TOX: variants seen among roughly 807,000 people sequenced by gnomAD.
The protein encoded by TOX is thymocyte selection associated high mobility group box.
Under a neutral mutation model 53.7 loss-of-function variants are expected in TOX, and 11 were observed. The ratio of observed to expected loss-of-function variants is 0.20; its 90% confidence interval spans 0.13 to 0.34. TOX has a LOEUF of 0.34. Among genes scored for constraint, TOX ranks in the 10% least tolerant of loss-of-function variants. TOX has a pLI of 1.00. For missense variants in TOX, 570 were observed against 664.6 expected (o/e 0.86, Z 1.56); for synonymous variants, 225 against 245.3 (o/e 0.92, Z 0.77).
intron 3 of TOX, among the ~76,000 whole-genome samples, chr8:58,853,500 T>A (rs1188444099): frequency 1.3e-5 from 2 of 152,120 alleles, no homozygotes; most frequent in Admixed American, 6.6e-5. Flanking sequence ...TATAAATAAT[T>A]ATAAATGAAT....
chr8:58,963,335 A>ATAGATAGG (rs927233865), intron 1 of TOX, among the ~76,000 whole-genome samples: 5 of 152,062 alleles, frequency 3.3e-5, no homozygotes, highest in African/African-American at 1.2e-4. Context: ...AGATAGATAG[A>ATAGATAGG]TAGATAGGTA....
chr8:59,029,521 C>T (rs1197004913), intron 1 of TOX, among the ~76,000 whole-genome samples: 1 of 152,136 alleles, frequency 6.6e-6, no homozygotes, highest in African/African-American at 2.4e-5. Context: ...CATTTTATGA[C>T]ATCAATCCTC....
At chr8:59,068,379 G>A (rs1804133622) in intron 1 of TOX, among the ~76,000 whole-genome samples, 1 of 150,864 alleles carries the variant, frequency 6.6e-6, no homozygotes, top group African/African-American at 2.4e-5. Flanking sequence ...TAAAGGAGAC[G>A]GGGGATAAAG....
At position 58,808,113 on chromosome 8, in the gene TOX, C is replaced by G; in HGVS notation, c.1544+5G>C. On this transcript the variant is annotated splice_donor_5th_base_variant and intron_variant, in intron 8 of 8. Coordinates refer to ENST00000361421, the MANE Select transcript of TOX (RefSeq NM_014729.3). ...ACCACCAGGTGGCGATGACCGGCCG[C>G]TTACCCACTACTGCAGTAGTCGTTA... is the stretch of plus-strand genomic sequence containing the variant. The G allele has an allele frequency of 6.2e-7, 1 of 1,607,866 alleles. No individual in the cohort carries two copies.
intron 1 of TOX, among the ~76,000 whole-genome samples, chr8:59,103,611 C>A (rs1388083949): frequency 2.0e-5 from 3 of 152,134 alleles, no homozygotes; most frequent in Non-Finnish European, 4.4e-5. Context: ...CTTCGTCTAG[C>A]CCCCTGAGAT....
At chr8:59,045,710 T>G (rs1803669746) in intron 1 of TOX, among the ~76,000 whole-genome samples, 1 of 152,184 alleles carries the variant, frequency 6.6e-6, no homozygotes, top group South Asian at 2.1e-4. Flanking sequence ...GGTCCTGTGC[T>G]TCATTCTACT....
intron 1 of TOX, among the ~76,000 whole-genome samples, chr8:58,979,995 T>C (rs1813171880): frequency 6.6e-6 from 1 of 152,208 alleles, no homozygotes; most frequent in African/African-American, 2.4e-5. Context: ...AAGGACCTTT[T>C]GGGGATGATG....
At chr8:58,874,267 G>C (rs1010065068) in intron 3 of TOX, among the ~76,000 whole-genome samples, 3 of 151,992 alleles carry the variant, frequency 2.0e-5, no homozygotes, top group Non-Finnish European at 4.4e-5. Context: ...TTTCAGGAGG[G>C]AAAGTTTTTT....
chr8:59,019,821 G>A (rs538664377), intron 1 of TOX, among the ~76,000 whole-genome samples: 16 of 152,282 alleles, frequency 1.1e-4, no homozygotes, highest in African/African-American at 3.4e-4. Flanking sequence ...TTCACTCGGT[G>A]AGCAGTGTAT....
At chr8:58,853,055 C>T (rs570621614) in intron 3 of TOX, among the ~76,000 whole-genome samples, 3 of 152,176 alleles carry the variant, frequency 2.0e-5, no homozygotes, top group East Asian at 1.9e-4. Flanking sequence ...GTTAGATTCA[C>T]CTAAAGCTAA....
chr8:59,073,567 T>G (rs1804240510), intron 1 of TOX, among the ~76,000 whole-genome samples: 1 of 152,100 alleles, frequency 6.6e-6, no homozygotes, highest in Non-Finnish European at 1.5e-5. Context: ...TTTAATCTTG[T>G]TTTTTTGTTT....
chr8:58,928,253 A>G (rs995440592), intron 3 of TOX, among the ~76,000 whole-genome samples: 9 of 152,244 alleles, frequency 5.9e-5, no homozygotes, highest in Non-Finnish European at 1.0e-4. Context: ...TTAGCTGGGA[A>G]ATACAGGCCA....
rs58286328 is a variant in TOX, at chr8:59,105,451, C to T, written c.102+13435G>A. ...CCATAACATTAGAAAAATGTCACCC[C>T]GCACATAGAGCTGAATTTTTAAAAT... On this transcript the variant is annotated intron_variant, in intron 1 of 8. Transcript: ENST00000361421. 1.6e-3 allele frequency among the ~76,000 whole-genome samples: 244 copies of T among 152,028 alleles called. 1 individual carries two copies. Among genetic ancestry groups the T allele is most frequent in the African/African-American group, 5.5e-3 (228 of 41,490 alleles).
intron 3 of TOX, among the ~76,000 whole-genome samples, chr8:58,927,525 G>A (rs1422745086): frequency 5.3e-5 from 8 of 152,230 alleles, no homozygotes; most frequent in Non-Finnish European, 1.2e-4. Context: ...GATGAGAATC[G>A]CACCTCCCAC....
At chr8:58,846,000 C>T (rs879313101) in intron 4 of TOX, among the ~76,000 whole-genome samples, 4 of 151,958 alleles carry the variant, frequency 2.6e-5, no homozygotes, top group East Asian at 3.9e-4. Flanking sequence ...GGTGGGGACC[C>T]GCTGAATAAA....
intron 1 of TOX, among the ~76,000 whole-genome samples, chr8:59,112,393 A>G (rs1805031444): frequency 6.6e-6 from 1 of 152,192 alleles, no homozygotes; most frequent in African/African-American, 2.4e-5. Context: ...TTAATCAGAA[A>G]TTGCTCTTTG....
chr8:59,005,634 A>G (rs1585958369), intron 1 of TOX, among the ~76,000 whole-genome samples: 2 of 152,352 alleles, frequency 1.3e-5, no homozygotes, highest in Middle Eastern at 6.8e-3. Context: ...TACAACCATT[A>G]ATCACCAAAA....
chr8:59,051,356 T>C (rs898109165), intron 1 of TOX, among the ~76,000 whole-genome samples: 1 of 152,114 alleles, frequency 6.6e-6, no homozygotes, highest in Non-Finnish European at 1.5e-5. Context: ...ACCTTCGAGA[T>C]TATGTCAGAT....
intron 6 of TOX, 129 bp from the exon 7 acceptor site, chr8:58,815,853 A>G (rs78213110): frequency 2.3e-5 from 23 of 1,000,616 alleles, no homozygotes; most frequent in Non-Finnish European, 3.2e-5. Context: ...GGACTCTCTG[A>G]TCTAAGAATT....
Sources: gnomAD v4.1 joint callset for allele counts (sites outside exome capture counted in the v4.1 genomes callset) on GRCh38, gnomAD v4.1.1 for gene constraint, MANE v1.5 for transcripts, NCBI Gene and HGNC (gene_info 2026-07-23, HGNC 2026-07-21) for gene names.